Variants in BSN observed in about 807,000 individuals in gnomAD.
The protein encoded by BSN is protein bassoon.
A neutral mutation model predicts 264.8 loss-of-function variants in BSN; 57 were observed. The observed-to-expected ratio is 0.22, with a 90% CI of 0.17 to 0.27. The LOEUF (loss-of-function observed/expected upper bound fraction) is 0.27. Ranked by LOEUF, BSN falls within the 10% of genes least tolerant of loss-of-function variation. The pLI is 1.00. For synonymous variants in BSN, 2,059 were observed against 2,137.3 expected (o/e 0.96, Z 1.01); for missense variants, 4,615 against 5,232.5 (o/e 0.88, Z 3.64).
rs997757143 is a variant in BSN at position 49,654,652 on chromosome 3, C to T, written c.5096C>T (p.Ala1699Val). 3 of 1,613,764 alleles carry T rather than the reference C, an allele frequency of 1.9e-6. No homozygotes were observed. The highest frequency in any genetic ancestry group is 2.7e-5 in the African/African-American group (2 of 74,926). ...LAVEARKYGL[A>V]LDPIPGRQST... Reference sequence around the variant, plus strand: ...GTGGAAGCGAGGAAGTATGGTCTTGCCCTGGATCCAATCCCAGGACGGCAG... The same window carrying T: ...GTGGAAGCGAGGAAGTATGGTCTTGTCCTGGATCCAATCCCAGGACGGCAG... Residue 1699 changes from alanine to valine, a missense_variant, in exon 5 of 12, where the codon GCC becomes GTC. This residue lies in a region of BSN where 3,415 missense variants were observed against 3,866.4 expected (regional missense o/e 0.88). Coordinates refer to ENST00000296452, the MANE Select transcript of BSN (RefSeq NM_003458.4). This position sits in a 1 kb window ranked among gnomAD's most constrained non-coding sequence, Gnocchi z 4.1.
rs77425364 is a variant in BSN, at chr3:49,599,951, G to A, written c.225-25024G>A. Among the ~76,000 whole-genome samples the A allele has an allele frequency of 2.9e-3, 445 of 152,308 alleles. 6 individuals are homozygous for A. The highest frequency in any genetic ancestry group is 0.013 in the East Asian group (69 of 5,186). Reference sequence around the variant, plus strand: ...ATCCTGAATTTGCTTCCCTGTATAAGCAGTGAGGGAGTCCTGCTGTGTGCT... The same window carrying A: ...ATCCTGAATTTGCTTCCCTGTATAAACAGTGAGGGAGTCCTGCTGTGTGCT... On this transcript the variant is annotated intron_variant, in intron 1 of 11. Coordinates refer to ENST00000296452, the MANE Select transcript of BSN (RefSeq NM_003458.4).
At position 49,669,486 on chromosome 3, in the gene BSN, A is replaced by T. The variant is rs555212039; in HGVS notation, c.*2001A>T. ...TTCCCAGAGGGCACCACGCAAGGGC[A>T]GAGCTGGGCGGCATCCACAGCCAGA... On this transcript the variant is annotated 3_prime_UTR_variant, in exon 12 of 12. Transcript: ENST00000296452. 6.5e-6 allele frequency: 1 copy of T among 152,844 alleles called. No homozygotes were observed. Among genetic ancestry groups the T allele is most frequent in the South Asian group, 2.1e-4 (1 of 4,830 alleles). The allele number at this position is 152,844 out of a possible 1,614,324, so 9.5% of individuals were successfully genotyped here. A position where few individuals can be genotyped will look rare whatever the true frequency, so the allele number is the denominator to read the frequency against.
In BSN at chr3:49,653,891, T is replaced by G; in HGVS notation, c.4335T>G (p.Ala1445=). 2.5e-6 allele frequency: 4 copies of G among 1,614,042 alleles called. No homozygotes were observed. The highest frequency in any genetic ancestry group is 3.4e-6 in the Non-Finnish European group (4 of 1,179,968). ...LPQAPSGLAA[A]GRAAREKPLS... ...AGGCCCCCAGTGGCCTTGCTGCAGC[T>G]GGACGAGCTGCTAGAGAGAAGCCCT... is the stretch of plus-strand genomic sequence containing the variant. The change falls in exon 5 of 12, where the codon GCT becomes GCG. Residue 1445 remains alanine, a synonymous_variant. Transcript: ENST00000296452. This position sits in a 1 kb window ranked among gnomAD's most constrained non-coding sequence, Gnocchi z 6.3.
rs76237755 is a variant in BSN at position 49,644,002 on chromosome 3, C to T, written c.1518+850C>T. Reference sequence around the variant, plus strand: ...AGGTGCCCTGGCAGAATTAGACCAGCCTGGGCCAGGAGCAGATGCTGCTTC... The same window carrying T: ...AGGTGCCCTGGCAGAATTAGACCAGTCTGGGCCAGGAGCAGATGCTGCTTC... On this transcript the variant is annotated intron_variant, in intron 3 of 11. Coordinates refer to ENST00000296452, the MANE Select transcript of BSN (RefSeq NM_003458.4). Among the ~76,000 whole-genome samples the T allele has an allele frequency of 2.6e-5, 4 of 152,318 alleles. No homozygotes were observed. In the East Asian group the frequency reaches 7.7e-4, roughly 29 times the overall value.
chr3:49,630,380 C>A (rs2052376016), intron 2 of BSN, among the ~76,000 whole-genome samples: 1 of 152,216 alleles, frequency 6.6e-6, no homozygotes, highest in African/African-American at 2.4e-5. Flanking sequence ...ATAGCTAGTC[C>A]TTGGGCAGTT....
intron 1 of BSN, among the ~76,000 whole-genome samples, chr3:49,603,975 A>G (rs2052091754): frequency 6.6e-6 from 1 of 151,974 alleles, no homozygotes; most frequent in African/African-American, 2.4e-5. Flanking sequence ...ACTTGGCCTA[A>G]TGTTTTTAAG....
chr3:49,671,069 G>T lies in BSN; in HGVS notation c.*3584G>T, dbSNP rs1060962. 76,804 of 152,130 alleles carry T rather than the reference G, an allele frequency of 0.5. 20,959 individuals are homozygous for T. Among genetic ancestry groups the T allele is most frequent in the East Asian group, 0.95 (4,899 of 5,180 alleles). 9.4% of individuals were successfully genotyped at this position (152,130 alleles called of 1,614,324 possible). A position where few individuals can be genotyped will look rare whatever the true frequency, so the allele number is the denominator to read the frequency against. On this transcript the variant is annotated 3_prime_UTR_variant, in exon 12 of 12. Coordinates refer to ENST00000296452, the MANE Select transcript of BSN (RefSeq NM_003458.4). This position sits in a 1 kb window ranked among gnomAD's most constrained non-coding sequence, Gnocchi z 4.1. ...GGTGCCAGCAGCCCTGCTGCCATGT[G>T]CACTGGGGTGGCACTGGAGAGCCAT...
In BSN at chr3:49,653,452, A is replaced by G. The variant is rs368452675; in HGVS notation, c.3896A>G (p.Asp1299Gly). Residue 1299 changes from aspartate (D) to glycine (G), a missense_variant, in exon 5 of 12, where the codon GAC becomes GGC. Physicochemically the swap from Asp to Gly is moderately conservative, Grantham distance 94. Coordinates refer to ENST00000296452, the MANE Select transcript of BSN (RefSeq NM_003458.4). This position sits in a 1 kb window ranked among gnomAD's most constrained non-coding sequence, Gnocchi z 6.3. ...QFLNAESAYMDPMKQNGGPLT... is the reference protein window; with the variant it reads ...QFLNAESAYMGPMKQNGGPLT... ...CTAAATGCTGAGAGTGCATACATGG[A>G]CCCAATGAAGCAAAATGGTGGCCCC... 1.9e-6 allele frequency: 3 copies of G among 1,613,848 alleles called. No homozygotes were observed. The highest frequency in any genetic ancestry group is 2.5e-6 in the Non-Finnish European group (3 of 1,179,984).
chr3:49,661,597 G>A lies in BSN; in HGVS notation c.9752G>A (p.Ser3251Asn), dbSNP rs749577265. ...GACAGCACCTCTACTGCTCCTGATA[G>A]CCAACGGCTGGAGCCCCTGGGGCCA... ...TKDSTSTAPD[S>N]QRLEPLGPGS... Residue 3251 changes from serine (S) to asparagine (N), a missense_variant, in exon 6 of 12, where the codon AGC (serine) becomes AAC (asparagine). This residue lies in a region of BSN where 3,415 missense variants were observed against 3,866.4 expected (regional missense o/e 0.88). Coordinates refer to ENST00000296452, the MANE Select transcript of BSN (RefSeq NM_003458.4). 1 of 1,613,626 alleles carries A rather than the reference G, an allele frequency of 6.2e-7. No homozygotes were observed. Among genetic ancestry groups the A allele is most frequent in the African/African-American group, 1.3e-5 (1 of 74,946 alleles).
In BSN at chr3:49,655,753, AC is replaced by A; in HGVS notation, c.6198del (p.Asn2066LysfsTer128). The A allele has an allele frequency of 1.2e-6, 2 of 1,613,490 alleles. No individual in the cohort carries two copies. The highest frequency in any genetic ancestry group is 1.7e-6 in the Non-Finnish European group (2 of 1,180,036). On this transcript the variant is annotated frameshift_variant, in exon 5 of 12. Transcript: ENST00000296452. LOFTEE classifies it high-confidence loss of function. ...LPMRRYSSVSNIYSDHRYGPR... is the reference protein window; with the variant it reads ...LPMRRYSSVSXIYSDHRYGPR... Reference sequence around the variant, plus strand: ...ATGCGGCGCTATAGCTCAGTGTCGAACATCTACTCAGACCACAGGTACGGCC... The same window carrying A: ...ATGCGGCGCTATAGCTCAGTGTCGAAATCTACTCAGACCACAGGTACGGCC...
At chr3:49,582,356 T>G (rs963620260) in intron 1 of BSN, among the ~76,000 whole-genome samples, 2 of 152,212 alleles carry the variant, frequency 1.3e-5, no homozygotes, top group East Asian at 3.8e-4. Flanking sequence ...TGGAGTTCAG[T>G]GGCTATTTAC....
At chr3:49,664,696 C>T (rs1575453930) in intron 9 of BSN, 103 bp from the exon 10 acceptor site, 1 of 1,563,170 alleles carries the variant, frequency 6.4e-7, no homozygotes. Context: ...TCCGGGCAAT[C>T]TCTGCCCCTT....
chr3:49,635,590 C>T (rs1258680931), intron 2 of BSN, among the ~76,000 whole-genome samples: 2 of 152,336 alleles, frequency 1.3e-5, no homozygotes, highest in East Asian at 3.9e-4. Context: ...ATGAACCCCT[C>T]CTCTCCTGGC....
rs1335723817 is a variant in BSN at position 49,653,896 on chromosome 3, G to A, written c.4340G>A (p.Arg1447Gln). 6.8e-6 allele frequency: 11 copies of A among 1,613,988 alleles called. No individual in the cohort carries two copies. Among genetic ancestry groups the A allele is most frequent in the Admixed American group, 1.7e-5 (1 of 60,002 alleles). Residue 1447 changes from arginine (R) to glutamine (Q), a missense_variant, in exon 5 of 12, where the codon CGA becomes CAA. Physicochemically the swap from Arg to Gln is conservative, Grantham distance 43. Coordinates refer to ENST00000296452, the MANE Select transcript of BSN (RefSeq NM_003458.4). This position sits in a 1 kb window ranked among gnomAD's most constrained non-coding sequence, Gnocchi z 6.3. ...CCCAGTGGCCTTGCTGCAGCTGGAC[G>A]AGCTGCTAGAGAGAAGCCCTTGAGT... Reference protein sequence around the residue: ...QAPSGLAAAGRAAREKPLSAS... With the variant: ...QAPSGLAAAGQAAREKPLSAS...
chr3:49,583,277 G>A (rs908803080), intron 1 of BSN, among the ~76,000 whole-genome samples: 1 of 152,058 alleles, frequency 6.6e-6, no homozygotes, highest in African/African-American at 2.4e-5. Context: ...AACATTGATT[G>A]ATTTTTGGAT....
chr3:49,576,098 A>G (rs542979465), intron 1 of BSN, among the ~76,000 whole-genome samples: 1 of 152,164 alleles, frequency 6.6e-6, no homozygotes, highest in Non-Finnish European at 1.5e-5. Context: ...CTCTTACTGA[A>G]TTAGAGTAAC....
chr3:49,657,522 G>T lies in BSN; in HGVS notation c.7966G>T (p.Ala2656Ser), dbSNP rs781352351. Residue 2656 changes from alanine to serine, a missense_variant, in exon 5 of 12, where the codon GCC becomes TCC. Coordinates refer to ENST00000296452, the MANE Select transcript of BSN (RefSeq NM_003458.4). Reference sequence around the variant, plus strand: ...CACTGCCTCATCATCCAGTGCTGCTGCCACTGTGAGGGCCATGAGCAGCGT... The same window carrying T: ...CACTGCCTCATCATCCAGTGCTGCTTCCACTGTGAGGGCCATGAGCAGCGT... ...DATASSSSAA[A>S]TVRAMSSVGI... The T allele has an allele frequency of 1.9e-6, 3 of 1,613,256 alleles. No homozygotes were observed. In the South Asian group the frequency reaches 3.3e-5, roughly 18 times the overall value.
chr3:49,556,432 G>T (rs560891536), intron 1 of BSN, among the ~76,000 whole-genome samples: 1 of 152,326 alleles, frequency 6.6e-6, no homozygotes, highest in Non-Finnish European at 1.5e-5. Context: ...ACATTCTGCT[G>T]CAGGCAGACC....
In BSN at chr3:49,661,527, C is replaced by G; in HGVS notation, c.9682C>G (p.Pro3228Ala). 1 of 1,614,094 alleles carries G rather than the reference C, an allele frequency of 6.2e-7. No individual in the cohort carries two copies. Among genetic ancestry groups the G allele is most frequent in the South Asian group, 1.1e-5 (1 of 91,082 alleles). The change falls in exon 6 of 12, where the codon CCT (proline) becomes GCT (alanine). Residue 3228 changes from proline to alanine, a missense_variant. Pro to Ala is a conservative substitution (Grantham distance 27, BLOSUM62 -1). This residue lies in a region of BSN where 3,415 missense variants were observed against 3,866.4 expected (regional missense o/e 0.88). Transcript: ENST00000296452. ...CTATACCAGTCTGGAGCAGAACGTT[C>G]CTCGAAACTACGTAATGATTGATGA... The part of the protein sequence containing the change: ...SHYTSLEQNV[P>A]RNYVMIDDIS...
Sources: gnomAD v4.1 joint callset for allele counts (sites outside exome capture counted in the v4.1 genomes callset) on GRCh38, gnomAD v4.1.1 for gene constraint, gnomAD v4.1.1 regional missense constraint, Gnocchi (gnomAD v3.1) non-coding constraint, MANE v1.5 for transcripts, NCBI Gene and HGNC (gene_info 2026-07-23, HGNC 2026-07-21) for gene names.